The following DNAH8 variants were observed in gnomAD, a reference collection of about 807,000 sequenced individuals.
DNAH8 encodes the protein dynein axonemal heavy chain 8.
DNAH8 carries 382 observed loss-of-function variants against 562.1 expected under a neutral mutation model. The ratio of observed to expected loss-of-function variants is 0.68; its 90% CI spans 0.63 to 0.74. The LOEUF (loss-of-function observed/expected upper bound fraction) is 0.74. DNAH8 is among the 30% of genes least tolerant of loss of function. The pLI is 0.00. For missense variants in DNAH8, 5,203 were observed against 5,620.4 expected (o/e 0.93, Z 2.37); for synonymous variants, 1,881 against 1,919.4 (o/e 0.98, Z 0.52).
At chr6:38,902,604 C>T (rs74432298) in intron 62 of DNAH8, among the ~76,000 whole-genome samples, 2,137 of 152,312 alleles carry the variant, frequency 0.014, 50 homozygotes, top group African/African-American at 0.048. Flanking sequence ...GTCAAGCCCC[C>T]TTCTGTTTCT....
chr6:38,942,292 C>A (rs1190389805), intron 79 of DNAH8, among the ~76,000 whole-genome samples: 1 of 152,120 alleles, frequency 6.6e-6, no homozygotes. Flanking sequence ...TTCCTCAATG[C>A]CATCTGCTAA....
chr6:38,851,591 T>C lies in DNAH8; in HGVS notation c.5383T>C (p.Leu1795=). ...SLTGYLEKKR[L]LFPRFFFVSD... ...TTGAAGGTATTTGGAGAAGAAACGATTACTGTTTCCAAGATTCTTCTTTGT... is the reference window on the plus strand; with the variant it reads ...TTGAAGGTATTTGGAGAAGAAACGACTACTGTTTCCAAGATTCTTCTTTGT... The change falls in exon 39 of 93, where the codon TTA becomes CTA. Residue 1795 remains leucine, a synonymous_variant. Coordinates refer to ENST00000327475, the MANE Select transcript of DNAH8 (RefSeq NM_001206927.2). 6.2e-7 allele frequency: 1 copy of C among 1,607,102 alleles called. No individual in the cohort carries two copies. The highest frequency in any genetic ancestry group is 1.1e-5 in the South Asian group (1 of 88,856).
rs3737094 is a variant in DNAH8, at chr6:38,990,077, A to G, written c.13119A>G (p.Leu4373=). ...TTTATACTGGATATAAAATCCCCTT[A>G]TGCAAAACCTTAGACCAGTATTTTG... ...FCFYTGYKIP[L]CKTLDQYFEY... The change falls in exon 88 of 93, where the codon TTA becomes TTG. Residue 4373 remains leucine, a synonymous_variant. Coordinates refer to ENST00000327475, the MANE Select transcript of DNAH8 (RefSeq NM_001206927.2). 0.43 allele frequency: 680,439 copies of G among 1,592,200 alleles called. 149,080 individuals are homozygous for G. Among genetic ancestry groups the G allele is most frequent in the Non-Finnish European group, 0.45 (527,153 of 1,160,462 alleles).
chr6:38,929,525 C>G lies in DNAH8; in HGVS notation c.11133C>G (p.Asn3711Lys). 4 of 1,611,582 alleles carry G rather than the reference C, an allele frequency of 2.5e-6. No individual in the cohort carries two copies. The highest frequency in any genetic ancestry group is 3.4e-6 in the Non-Finnish European group (4 of 1,178,782). The stretch of plus-strand genomic sequence containing the variant: ...TTTCTGTTTAGGTGACATCTCTGAA[C>G]CATAAATATTTTCGCACACACTTGG... The part of the protein sequence containing the change: ...KENDLQVTSL[N>K]HKYFRTHLED... The change falls in exon 75 of 93, where the codon AAC becomes AAG. Residue 3711 changes from asparagine (N) to lysine (K), a missense_variant. Physicochemically the swap from Asn to Lys is moderately conservative, Grantham distance 94. Transcript: ENST00000327475.
chr6:39,023,344 TTAGCTGGGCATG>T (rs907222312), intron 91 of DNAH8, among the ~76,000 whole-genome samples: 1 of 151,910 alleles, frequency 6.6e-6, no homozygotes, highest in African/African-American at 2.4e-5. Context: ...ATACAAAAAA[TTAGCTGGGCATG>T]GTGGCAGGTG....
intron 1 of DNAH8, among the ~76,000 whole-genome samples, chr6:38,721,629 T>C (rs565021479): frequency 6.6e-6 from 1 of 152,120 alleles, no homozygotes; most frequent in East Asian, 1.9e-4. Context: ...TAGGGGACAG[T>C]GGGTGGGTAA....
chr6:38,962,892 A>G (rs1271518581), intron 82 of DNAH8, among the ~76,000 whole-genome samples: 1 of 152,192 alleles, frequency 6.6e-6, no homozygotes, highest in Non-Finnish European at 1.5e-5. Flanking sequence ...AAAACCAAAC[A>G]TATGTTCTCA....
Position 38,791,685 on chromosome 6 carries a change from G to T in DNAH8, c.2901+11G>T. 1.2e-6 allele frequency: 2 copies of T among 1,604,038 alleles called. No individual in the cohort carries two copies. The highest frequency in any genetic ancestry group is 1.7e-6 in the Non-Finnish European group (2 of 1,177,532). On this transcript the variant is annotated intron_variant, in intron 21 of 92. Coordinates refer to ENST00000327475, the MANE Select transcript of DNAH8 (RefSeq NM_001206927.2). Reference sequence around the variant, plus strand: ...TTGACCCTCAATGAGGTATGCATTTGTTCATTAAATTAGAATCACAAAAAT... The same window carrying T: ...TTGACCCTCAATGAGGTATGCATTTTTTCATTAAATTAGAATCACAAAAAT...
Position 38,750,593 on chromosome 6 carries a change from A to T in DNAH8, c.1407+4A>T, listed in dbSNP as rs773906953. On this transcript the variant is annotated splice_donor_region_variant and intron_variant, in intron 9 of 92. Coordinates refer to ENST00000327475, the MANE Select transcript of DNAH8 (RefSeq NM_001206927.2). ...ACCTCTCTATAACCATGACCTAGTA[A>T]GTATGCTTTTAAAGTACAATTTTAA... 6.4e-7 allele frequency: 1 copy of T among 1,551,768 alleles called. No individual in the cohort carries two copies. Among genetic ancestry groups the T allele is most frequent in the Non-Finnish European group, 8.9e-7 (1 of 1,128,986 alleles).
intron 8 of DNAH8, among the ~76,000 whole-genome samples, chr6:38,747,007 G>T (rs908406051): frequency 6.6e-6 from 1 of 151,758 alleles, no homozygotes; most frequent in Non-Finnish European, 1.5e-5. Context: ...CTATTTCTAG[G>T]GTTTTATTTC....
chr6:38,992,882 C>T (rs1764890000), intron 88 of DNAH8, among the ~76,000 whole-genome samples: 1 of 152,154 alleles, frequency 6.6e-6, no homozygotes, highest in Non-Finnish European at 1.5e-5. Flanking sequence ...GTTGCACATA[C>T]AGTAAACATT....
chr6:39,008,891 G>C lies in DNAH8; in HGVS notation c.13292G>C (p.Gly4431Ala), dbSNP rs1765986552. ...CCCAAAGAGAGTGGAGGTGGTGTGG[G>C]AGAGACCCGGGAGGCTATTGTTTAT... ...IQPKESGGGV[G>A]ETREAIVYRL... is the part of the protein sequence containing the mutation. The change falls in exon 89 of 93, where the codon GGA (glycine) becomes GCA (alanine). Residue 4431 changes from glycine to alanine, a missense_variant. Gly to Ala is a moderately conservative substitution (Grantham distance 60). This residue lies in a region of DNAH8 where 1,399 missense variants were observed against 1,518.4 expected (regional missense o/e 0.92). Coordinates refer to ENST00000327475, the MANE Select transcript of DNAH8 (RefSeq NM_001206927.2). 1 of 1,607,690 alleles carries C rather than the reference G, an allele frequency of 6.2e-7. No individual in the cohort carries two copies. Among genetic ancestry groups the C allele is most frequent in the South Asian group, 1.1e-5 (1 of 90,916 alleles).
chr6:38,989,548 C>T (rs1045821830), intron 87 of DNAH8, among the ~76,000 whole-genome samples: 2 of 152,150 alleles, frequency 1.3e-5, no homozygotes, highest in African/African-American at 4.8e-5. Context: ...CTCTCCTGGC[C>T]GTGTGCTGGG....
At chr6:38,936,333 A>G (rs1782965207) in intron 77 of DNAH8, 1 of 152,218 alleles carries the variant, frequency 6.6e-6, no homozygotes, top group Non-Finnish European at 1.5e-5. Flanking sequence ...TGGGAAAGAC[A>G]GGTTCTCCTC....
At chr6:39,014,038 G>T (rs1766406182) in intron 91 of DNAH8, among the ~76,000 whole-genome samples, 1 of 152,054 alleles carries the variant, frequency 6.6e-6, no homozygotes, top group Non-Finnish European at 1.5e-5. Flanking sequence ...AGCATACTTT[G>T]ATCAATATTA....
chr6:38,841,400 C>T (rs1345959815), intron 33 of DNAH8, among the ~76,000 whole-genome samples: 2 of 152,074 alleles, frequency 1.3e-5, no homozygotes, highest in South Asian at 2.1e-4. Flanking sequence ...GCCTGGGCAA[C>T]AGAGTGAGAT....
intron 89 of DNAH8, among the ~76,000 whole-genome samples, chr6:39,010,660 C>T (rs1766128906): frequency 6.6e-6 from 1 of 151,852 alleles, no homozygotes; most frequent in African/African-American, 2.4e-5. Context: ...CTTTATTTTC[C>T]ACTCATGGGG....
chr6:38,952,152 ATATTTGAGTAGGAAAT>A (rs1471047477), intron 82 of DNAH8, among the ~76,000 whole-genome samples: 1 of 152,190 alleles, frequency 6.6e-6, no homozygotes, highest in Non-Finnish European at 1.5e-5. Context: ...CACATTGATG[ATATTTGAGTAGGAAAT>A]TAAAAAATAG....
At position 38,890,693 on chromosome 6, in the gene DNAH8, A is replaced by G. The variant is rs1779287808; in HGVS notation, c.8515A>G (p.Lys2839Glu). Residue 2839 changes from lysine to glutamate, a missense_variant, in exon 58 of 93, where the codon AAG (lysine) becomes GAG (glutamate). By Grantham distance (56) the Lys-to-Glu change is moderately conservative. This residue lies in a region of DNAH8 where 977 missense variants were observed against 1,061.8 expected (regional missense o/e 0.92). Coordinates refer to ENST00000327475, the MANE Select transcript of DNAH8 (RefSeq NM_001206927.2). The stretch of plus-strand genomic sequence containing the variant: ...ATACTTTGATCCTTGTAGAAGTTTC[A>G]AGCCTCAAATATGTGAGATGATTGT... ...CGYFDPCRSF[K>E]PQICEMIVNL... The G allele has an allele frequency of 6.2e-7, 1 of 1,613,896 alleles. No individual in the cohort carries two copies. Among genetic ancestry groups the G allele is most frequent in the Non-Finnish European group, 8.5e-7 (1 of 1,179,776 alleles).
Sources: allele counts gnomAD v4.1 joint callset (sites outside exome capture counted in the v4.1 genomes callset), GRCh38; gene constraint gnomAD v4.1.1; regional missense constraint gnomAD v4.1.1; transcripts MANE v1.5; gene names NCBI Gene and HGNC (gene_info 2026-07-23, HGNC 2026-07-21).